DISC1: variants seen among roughly 807,000 people sequenced by gnomAD.
The protein encoded by DISC1 is disrupted in schizophrenia 1 protein.
A neutral mutation model predicts 84.5 loss-of-function variants in DISC1; 57 were observed. The observed-to-expected ratio is 0.67, with a 90% CI of 0.55 to 0.84. DISC1 has a LOEUF of 0.84. Ranked by LOEUF, DISC1 falls within the 40% of genes least tolerant of loss-of-function variation. DISC1 has a pLI of 0.00. For synonymous variants in DISC1, 411 were observed against 415.2 expected, an observed-to-expected ratio of 0.99 and a Z score of 0.12; for missense variants, 1,000 against 1,057.8, an observed-to-expected ratio of 0.95 and a Z score of 0.76.
rs774094093 is a variant in DISC1, at chr1:231,726,812, G to A, written c.1118-23114G>A. ...TTTAGAATATCAGGAAAAGAGAGAC[G>A]GATGGACTGCATCATCTTTCTAGAA... On this transcript the variant is annotated intron_variant, in intron 3 of 12. Transcript: ENST00000439617. 8.0e-4 allele frequency among the ~76,000 whole-genome samples: 122 copies of A among 152,090 alleles called. 1 individual carries two copies. Among genetic ancestry groups the A allele is most frequent in the Admixed American group, 1.5e-3 (23 of 15,278 alleles).
intron 4 of DISC1, among the ~76,000 whole-genome samples, chr1:231,765,217 A>C (rs987972846): frequency 1.1e-4 from 13 of 120,092 alleles, no homozygotes; most frequent in South Asian, 1.1e-3. Flanking sequence ...AAAAAAAAAA[A>C]AACTTTGGAT....
At chr1:231,676,148 C>T (rs1368266963) in intron 1 of DISC1, among the ~76,000 whole-genome samples, 2 of 152,198 alleles carry the variant, frequency 1.3e-5, no homozygotes, top group African/African-American at 4.8e-5. Flanking sequence ...CCCCCATCGT[C>T]TGCTGGTATA....
At chr1:232,002,620 CACACACACACACACACACAA>C (rs1406705397) in intron 10 of DISC1, among the ~76,000 whole-genome samples, 3 of 149,538 alleles carry the variant, frequency 2.0e-5, no homozygotes, top group African/African-American at 7.6e-5. Context: ...CACACACACA[CACACACACACACACACACAA>C]AAGCCAATCC....
chr1:231,692,658 C>T (rs1465742597), intron 1 of DISC1, among the ~76,000 whole-genome samples: 1 of 152,192 alleles, frequency 6.6e-6, no homozygotes, highest in African/African-American at 2.4e-5. Flanking sequence ...ACAGCTGTGC[C>T]TAGTGCTGCC....
At chr1:231,905,240 G>C (rs1395217066) in intron 9 of DISC1, among the ~76,000 whole-genome samples, 2 of 152,184 alleles carry the variant, frequency 1.3e-5, no homozygotes, top group Non-Finnish European at 2.9e-5. Flanking sequence ...TTGATCATGA[G>C]TAAATACCAG....
intron 9 of DISC1, among the ~76,000 whole-genome samples, chr1:231,833,266 T>A (rs905972312): frequency 6.6e-5 from 10 of 151,214 alleles, no homozygotes; most frequent in African/African-American, 2.5e-5. Flanking sequence ...TGGGGAGTTT[T>A]AAGAGGTTTA....
chr1:232,013,478 A>G (rs1668208629), intron 11 of DISC1, among the ~76,000 whole-genome samples: 1 of 151,932 alleles, frequency 6.6e-6, no homozygotes, highest in Non-Finnish European at 1.5e-5. Flanking sequence ...CTCAGCCATC[A>G]TTAAGGGCTA....
At chr1:231,773,199 C>G (rs1479063666) in intron 6 of DISC1, among the ~76,000 whole-genome samples, 1 of 152,178 alleles carries the variant, frequency 6.6e-6, no homozygotes, top group African/African-American at 2.4e-5. Flanking sequence ...GACTAATTCT[C>G]TTTCCTCATC....
intron 9 of DISC1, among the ~76,000 whole-genome samples, chr1:231,837,304 G>A (rs572587369): frequency 2.6e-5 from 4 of 152,260 alleles, no homozygotes; most frequent in South Asian, 2.1e-4. Context: ...GGCTGTCACC[G>A]TGAAATGTGT....
chr1:231,864,374 AG>A (rs1244579279), intron 9 of DISC1, among the ~76,000 whole-genome samples: 1 of 152,112 alleles, frequency 6.6e-6, no homozygotes, highest in Non-Finnish European at 1.5e-5. Context: ...AGAAAACCTG[AG>A]GGGGTGGGCC....
In DISC1 at chr1:232,039,656, A is replaced by G. The variant is rs1424776341; in HGVS notation, c.*2825A>G. 6.6e-6 allele frequency: 1 copy of G among 152,188 alleles called. No homozygotes were observed. Among genetic ancestry groups the G allele is most frequent in the African/African-American group, 2.4e-5 (1 of 41,452 alleles). 9.4% of individuals were successfully genotyped at this position (152,188 alleles called of 1,614,324 possible). On this transcript the variant is annotated 3_prime_UTR_variant, in exon 13 of 13. Transcript: ENST00000439617. ...TTAAGCCACTTTGACCCTGGGAGAC[A>G]CAGGACTGTGTATCCTCAATCATAC...
At position 232,014,804 on chromosome 1, in the gene DISC1, T is replaced by C. The variant is rs572629539; in HGVS notation, c.2307+5755T>C. On this transcript the variant is annotated intron_variant, in intron 11 of 12. Transcript: ENST00000439617. ...AACGTTAAGAGCACTTGCAAAACAATTCTCAGCCTCCCCCTCTCTCTTAAA... is the reference window on the plus strand; with the variant it reads ...AACGTTAAGAGCACTTGCAAAACAACTCTCAGCCTCCCCCTCTCTCTTAAA... 9.2e-5 allele frequency among the ~76,000 whole-genome samples: 14 copies of C among 152,304 alleles called. No homozygotes were observed. The East Asian group carries it at 2.7e-3, about 29-fold the overall frequency.
intron 1 of DISC1, among the ~76,000 whole-genome samples, chr1:231,628,900 C>A (rs2058479458): frequency 6.6e-6 from 1 of 151,776 alleles, no homozygotes; most frequent in African/African-American, 2.4e-5. Context: ...TGCCACCATG[C>A]CCAGCTAATT....
intron 3 of DISC1, among the ~76,000 whole-genome samples, chr1:231,724,407 C>T (rs2070327115): frequency 6.6e-6 from 1 of 152,152 alleles, no homozygotes; most frequent in African/African-American, 2.4e-5. Flanking sequence ...ACCCTGCAAA[C>T]ACCGCCCCAA....
At chr1:231,922,272 T>C (rs1053525573) in intron 9 of DISC1, among the ~76,000 whole-genome samples, 36 of 152,180 alleles carry the variant, frequency 2.4e-4, no homozygotes, top group African/African-American at 8.2e-4. Flanking sequence ...ACATGCACCT[T>C]GTCTTAGATG....
At chr1:231,729,748 C>A (rs1254693821) in intron 3 of DISC1, among the ~76,000 whole-genome samples, 2 of 149,908 alleles carry the variant, frequency 1.3e-5, no homozygotes, top group East Asian at 3.9e-4. Flanking sequence ...ATCTTGATAC[C>A]TTTACATCAC....
At chr1:232,019,509 C>A (rs1668757941) in intron 11 of DISC1, among the ~76,000 whole-genome samples, 1 of 152,104 alleles carries the variant, frequency 6.6e-6, no homozygotes, top group Admixed American at 6.5e-5. Flanking sequence ...GCTAGGAATC[C>A]CAGTGGCTTT....
chr1:231,774,280 C>T (rs1055115682), intron 6 of DISC1, among the ~76,000 whole-genome samples: 4 of 151,694 alleles, frequency 2.6e-5, no homozygotes, highest in Non-Finnish European at 4.4e-5. Flanking sequence ...AATGTAAGGA[C>T]GAAGAGTTTC....
At chr1:231,813,498 G>A (rs1324690025) in intron 8 of DISC1, 2 of 152,236 alleles carry the variant, frequency 1.3e-5, no homozygotes, top group African/African-American at 4.8e-5. Context: ...ATGCGGTAGG[G>A]GGCTCGATCC....
Sources: gnomAD v4.1 joint callset for allele counts (sites outside exome capture counted in the v4.1 genomes callset) on GRCh38, gnomAD v4.1.1 for gene constraint, MANE v1.5 for transcripts, NCBI Gene and HGNC (gene_info 2026-07-23, HGNC 2026-07-21) for gene names.